The following ANKRD44 variants were observed in gnomAD, a reference collection of about 807,000 sequenced individuals.
ANKRD44 encodes serine/threonine-protein phosphatase 6 regulatory ankyrin repeat subunit B.
In ANKRD44, 35 loss-of-function variants were observed where a neutral mutation model predicts 116.0. The ratio of observed to expected loss-of-function variants is 0.30; its 90% confidence interval spans 0.23 to 0.40. The LOEUF (loss-of-function observed/expected upper bound fraction) is 0.40, where lower values mean the gene tolerates loss of function less well. Among genes scored for constraint, ANKRD44 ranks in the 10% least tolerant of loss-of-function variants. The pLI, the probability that ANKRD44 is intolerant of heterozygous loss-of-function variation, is 1.00. For missense variants in ANKRD44, 1,014 were observed against 1,242.6 expected, an observed-to-expected ratio of 0.82 and a Z score of 2.77; for synonymous variants, 435 against 461.8, an observed-to-expected ratio of 0.94 and a Z score of 0.74.
intron 26 of ANKRD44, among the ~76,000 whole-genome samples, chr2:196,994,121 A>C (rs1441213701): frequency 2.0e-5 from 3 of 152,216 alleles, no homozygotes; most frequent in Non-Finnish European, 4.4e-5. Context: ...TGTTTTACTG[A>C]ATTTATAATA....
At chr2:197,111,766 AAAG>A (rs2078573118) in intron 8 of ANKRD44, among the ~76,000 whole-genome samples, 2 of 151,670 alleles carry the variant, frequency 1.3e-5, no homozygotes, top group African/African-American at 4.8e-5. Context: ...ACAAAAGAAT[AAAG>A]AAAAAGAAAA....
chr2:197,224,216 A>G (rs945220052), intron 1 of ANKRD44, among the ~76,000 whole-genome samples: 1 of 152,218 alleles, frequency 6.6e-6, no homozygotes, highest in Non-Finnish European at 1.5e-5. Context: ...CCATGGCTCA[A>G]ATTGTGACCA....
intron 1 of ANKRD44, among the ~76,000 whole-genome samples, chr2:197,283,621 T>C (rs1006560405): frequency 2.0e-5 from 3 of 152,226 alleles, no homozygotes; most frequent in Non-Finnish European, 4.4e-5. Context: ...TGTACCTGGA[T>C]GACAATAATG....
chr2:197,020,829 AGGG>A (rs1284352881), intron 17 of ANKRD44, among the ~76,000 whole-genome samples: 5,461 of 151,260 alleles, frequency 0.036, 341 homozygotes, highest in African/African-American at 0.13. Context: ...TTTAAGTTCT[AGGG>A]TACATGTGCA....
rs572602869 is a variant in ANKRD44, at chr2:197,278,504, G to A, written c.27+32074C>T. Among the ~76,000 whole-genome samples the A allele has an allele frequency of 7.1e-4, 107 of 151,642 alleles. 1 individual carries two copies. The Middle Eastern group carries it at 0.01, about 14-fold the overall frequency. ...CCCGAGTAGCTGGGACTACAGGCAC[G>A]CACCACCACGCCCGGTTAATTTTTG... On this transcript the variant is annotated intron_variant, in intron 1 of 27. Coordinates refer to ENST00000282272, the MANE Select transcript of ANKRD44 (RefSeq NM_001195144.2).
At chr2:197,159,983 T>C (rs2079918529) in intron 2 of ANKRD44, among the ~76,000 whole-genome samples, 1 of 152,200 alleles carries the variant, frequency 6.6e-6, no homozygotes, top group African/African-American at 2.4e-5. Flanking sequence ...TGGAGGCCTT[T>C]GGTTCTACCC....
chr2:197,227,148 T>TA (rs2081736967), intron 1 of ANKRD44, among the ~76,000 whole-genome samples: 1 of 152,232 alleles, frequency 6.6e-6, no homozygotes, highest in Admixed American at 6.5e-5. Flanking sequence ...TGTCCTCTGA[T>TA]ACCTCTCTTT....
intron 27 of ANKRD44, 38 bp from the exon 28 acceptor site, chr2:196,989,687 G>T: frequency 6.5e-7 from 1 of 1,548,032 alleles, no homozygotes; most frequent in South Asian, 1.2e-5. Flanking sequence ...TCACTATGTT[G>T]ATTTCATCAT....
chr2:197,210,361 A>G (rs534329631), intron 1 of ANKRD44, among the ~76,000 whole-genome samples: 25 of 152,346 alleles, frequency 1.6e-4, no homozygotes, highest in African/African-American at 6.0e-4. Context: ...TACGATTAAC[A>G]TCTTCCGTTT....
chr2:197,182,576 G>T (rs2080536088), intron 2 of ANKRD44, among the ~76,000 whole-genome samples: 2 of 152,198 alleles, frequency 1.3e-5, no homozygotes, highest in South Asian at 4.1e-4. Flanking sequence ...AGATGACAGT[G>T]AATAAGATAG....
At position 197,074,994 on chromosome 2, in the gene ANKRD44, G is replaced by A. The variant is rs534139891; in HGVS notation, c.1650+3709C>T. On this transcript the variant is annotated intron_variant, in intron 16 of 27. Transcript: ENST00000282272. The stretch of plus-strand genomic sequence containing the variant: ...CTAGAATATGTAAGTAGGGGCATTT[G>A]TCACCCCTACTTATTCTCACAGTTG... Among the ~76,000 whole-genome samples the A allele has an allele frequency of 1.3e-3, 201 of 152,066 alleles. 1 individual carries two copies. Among genetic ancestry groups the A allele is most frequent in the Non-Finnish European group, 2.2e-3 (147 of 67,978 alleles).
At chr2:197,123,804 T>C (rs984317921) in intron 6 of ANKRD44, among the ~76,000 whole-genome samples, 1 of 152,108 alleles carries the variant, frequency 6.6e-6, no homozygotes, top group Non-Finnish European at 1.5e-5. Context: ...GGGAAAGTAT[T>C]GGCTTGTTTT....
rs532110558 is a variant in ANKRD44, at chr2:197,242,526, T to C, written c.28-55420A>G. 1.5e-4 allele frequency among the ~76,000 whole-genome samples: 23 copies of C among 152,324 alleles called. No homozygotes were observed. The South Asian group carries it at 4.8e-3, about 32-fold the overall frequency. On this transcript the variant is annotated intron_variant, in intron 1 of 27. Transcript: ENST00000282272. Reference sequence around the variant, plus strand: ...AACCACTTTCTTGCTAAAACATTTCTATCCCCAATTATAACCACAATGACT... The same window carrying C: ...AACCACTTTCTTGCTAAAACATTTCCATCCCCAATTATAACCACAATGACT...
At chr2:196,978,048 C>T (rs2075772757) in intron 21 of ANKRD44, among the ~76,000 whole-genome samples, 1 of 152,164 alleles carries the variant, frequency 6.6e-6, no homozygotes, top group African/African-American at 2.4e-5. Context: ...AAATGAAGCA[C>T]CTCTATATGC....
At position 197,274,142 on chromosome 2, in the gene ANKRD44, G is replaced by C. The variant is rs2083007229; in HGVS notation, c.27+36436C>G. Among the ~76,000 whole-genome samples, 6 of 151,144 alleles carry C rather than the reference G, an allele frequency of 4.0e-5. No individual in the cohort carries two copies. The South Asian group carries it at 1.3e-3, about 32-fold the overall frequency. On this transcript the variant is annotated intron_variant, in intron 1 of 27. Coordinates refer to ENST00000282272, the MANE Select transcript of ANKRD44 (RefSeq NM_001195144.2). ...TGAATGAGAACTGTCAAGTCCATGTGGACATCACTAAGGGGACCTGGCACT... is the reference window on the plus strand; with the variant it reads ...TGAATGAGAACTGTCAAGTCCATGTCGACATCACTAAGGGGACCTGGCACT...
chr2:197,123,615 A>G (rs1298224928), intron 6 of ANKRD44, among the ~76,000 whole-genome samples: 1 of 152,246 alleles, frequency 6.6e-6, no homozygotes, highest in Non-Finnish European at 1.5e-5. Flanking sequence ...TGGGCAACAG[A>G]GCGAGACCTT....
At position 197,007,934 on chromosome 2, in the gene ANKRD44, A is replaced by C. The variant is rs2076228996; in HGVS notation, c.2013-11T>G. On this transcript the variant is annotated splice_polypyrimidine_tract_variant and intron_variant, in intron 19 of 27. Coordinates refer to ENST00000282272, the MANE Select transcript of ANKRD44 (RefSeq NM_001195144.2). ...AGCATCAGTGGTGTTCTAGGCAGAG[A>C]GATAAAGCAGGCTTTTAAAAAGGAG... The C allele has an allele frequency of 1.9e-6, 3 of 1,584,626 alleles. No individual in the cohort carries two copies. Among genetic ancestry groups the C allele is most frequent in the Non-Finnish European group, 2.6e-6 (3 of 1,155,146 alleles).
intron 1 of ANKRD44, among the ~76,000 whole-genome samples, chr2:197,256,615 T>TA (rs1033598070): frequency 2.6e-5 from 4 of 152,228 alleles, no homozygotes; most frequent in Non-Finnish European, 5.9e-5. Context: ...CTTGAATTTT[T>TA]AAAAAATACA....
chr2:197,004,404 C>T (rs2076167562), intron 21 of ANKRD44, among the ~76,000 whole-genome samples: 1 of 152,076 alleles, frequency 6.6e-6, no homozygotes, highest in South Asian at 2.1e-4. Flanking sequence ...TCATTCATAT[C>T]ACATTCTTAT....
Sources: allele counts gnomAD v4.1 joint callset (sites outside exome capture counted in the v4.1 genomes callset), GRCh38; gene constraint gnomAD v4.1.1; transcripts MANE v1.5; gene names NCBI Gene and HGNC (gene_info 2026-07-23, HGNC 2026-07-21).